SCARA5: variants seen among roughly 807,000 people sequenced by gnomAD.
The protein encoded by SCARA5 is scavenger receptor class A member 5, also known as scavenger receptor class A, member 5 (putative).
A neutral mutation model predicts 46.3 loss-of-function variants in SCARA5; 45 were observed. The ratio of observed to expected loss-of-function variants is 0.97; its 90% CI spans 0.76 to 1.24. The LOEUF is 1.24. Ranked by LOEUF, SCARA5 falls within the 50% of genes most tolerant of loss-of-function variation. SCARA5 has a pLI of 0.00. For missense variants in SCARA5, 680 were observed against 689.0 expected, an observed-to-expected ratio of 0.99 and a Z score of 0.15; for synonymous variants, 333 against 306.5, an observed-to-expected ratio of 1.09 and a Z score of -0.90.
chr8:27,885,575 G>C (rs1806882388), intron 7 of SCARA5, among the ~76,000 whole-genome samples: 1 of 152,216 alleles, frequency 6.6e-6, no homozygotes, highest in African/African-American at 2.4e-5. Context: ...GCAGGTGCTG[G>C]CTGGAGGGCA....
chr8:27,876,694 G>A (rs776178835), intron 8 of SCARA5, among the ~76,000 whole-genome samples: 21 of 152,186 alleles, frequency 1.4e-4, no homozygotes, highest in African/African-American at 4.8e-4. Flanking sequence ...GTGACAGAGG[G>A]AAGAGCTGGG....
At chr8:27,932,913 C>T (rs1259657587) in intron 3 of SCARA5, among the ~76,000 whole-genome samples, 1 of 152,196 alleles carries the variant, frequency 6.6e-6, no homozygotes, top group African/African-American at 2.4e-5. Context: ...TTACAGGCGT[C>T]AGCCACGGCG....
At chr8:27,946,649 A>G (rs1438800697) in intron 3 of SCARA5, among the ~76,000 whole-genome samples, 1 of 152,200 alleles carries the variant, frequency 6.6e-6, no homozygotes, top group Non-Finnish European at 1.5e-5. Flanking sequence ...AGCCAGGGCT[A>G]ATTTGGCTCT....
intron 8 of SCARA5, among the ~76,000 whole-genome samples, chr8:27,874,935 T>A (rs1806698518): frequency 6.6e-6 from 1 of 152,110 alleles, no homozygotes; most frequent in African/African-American, 2.4e-5. Context: ...TGGACCAATT[T>A]AAAATTTAGA....
chr8:27,936,914 T>C (rs1807866740), intron 3 of SCARA5, among the ~76,000 whole-genome samples: 1 of 152,162 alleles, frequency 6.6e-6, no homozygotes, highest in Non-Finnish European at 1.5e-5. Flanking sequence ...CTGTGACACC[T>C]TACTGCTGTT....
At chr8:27,893,085 C>T (rs114923258) in intron 7 of SCARA5, among the ~76,000 whole-genome samples, 3,095 of 152,234 alleles carry the variant, frequency 0.02, 119 homozygotes, top group African/African-American at 0.071. Context: ...GGCTTGGACA[C>T]CAGTGGCCAA....
intron 4 of SCARA5, among the ~76,000 whole-genome samples, chr8:27,914,715 G>C (rs1807433101): frequency 6.6e-6 from 1 of 152,192 alleles, no homozygotes; most frequent in African/African-American, 2.4e-5. Context: ...GGGCATGGAG[G>C]TGGCTGGGAC....
At chr8:27,985,571 T>C (rs1585529553) in intron 2 of SCARA5, among the ~76,000 whole-genome samples, 4 of 152,312 alleles carry the variant, frequency 2.6e-5, no homozygotes, top group Admixed American at 2.6e-4. Context: ...CACAGAATTC[T>C]AGAACCAGAT....
At chr8:27,989,826 G>A (rs780755767) in intron 1 of SCARA5, among the ~76,000 whole-genome samples, 10 of 152,232 alleles carry the variant, frequency 6.6e-5, no homozygotes, top group Non-Finnish European at 1.2e-4. Flanking sequence ...TCTAGGTGGG[G>A]CCGCGGGCAG....
chr8:27,937,285 G>A (rs919802489), intron 3 of SCARA5, among the ~76,000 whole-genome samples: 18 of 152,120 alleles, frequency 1.2e-4, no homozygotes, highest in Non-Finnish European at 1.5e-4. Context: ...CCCCTAGCAC[G>A]TGTGGGACTT....
chr8:27,874,436 G>A (rs1393307850), intron 8 of SCARA5, among the ~76,000 whole-genome samples: 1 of 152,190 alleles, frequency 6.6e-6, no homozygotes, highest in African/African-American at 2.4e-5. Context: ...CTCAGCCAGA[G>A]GACGGCAAAC....
intron 3 of SCARA5, among the ~76,000 whole-genome samples, chr8:27,941,721 T>C (rs967453230): frequency 6.6e-6 from 1 of 151,844 alleles, no homozygotes; most frequent in African/African-American, 2.4e-5. Context: ...TGTATAGAGC[T>C]TTACATTTCA....
chr8:27,880,576 TGGCTTA>T (rs2129673350), intron 7 of SCARA5, among the ~76,000 whole-genome samples: 1 of 152,250 alleles, frequency 6.6e-6, no homozygotes, highest in East Asian at 1.9e-4. Flanking sequence ...CTGGGCTTGG[TGGCTTA>T]TGCTTATAAT....
chr8:27,879,636 G>T lies in SCARA5; in HGVS notation c.1284C>A (p.Asp428Glu), dbSNP rs1585459576. ...CDDGWDKKDG[D>E]VVCRMLGFRG... Reference sequence around the variant, plus strand: ...GGAAGCCGAGCATGCGGCACACCACGTCTCCGTCCTTCTTGTCCCAGCCGT... The same window carrying T: ...GGAAGCCGAGCATGCGGCACACCACTTCTCCGTCCTTCTTGTCCCAGCCGT... Residue 428 changes from aspartate to glutamate, a missense_variant, in exon 8 of 9, where the codon GAC (aspartate) becomes GAA (glutamate). By Grantham distance (45) the Asp-to-Glu change is conservative. Around this residue, in one of 3 missense-constraint regions of SCARA5, gnomAD observed 219 missense variants for 269.5 expected, o/e 0.81. Transcript: ENST00000354914. The T allele has an allele frequency of 6.2e-7, 1 of 1,612,374 alleles. No homozygotes were observed.
At chr8:27,905,115 C>G (rs1455620259) in intron 6 of SCARA5, among the ~76,000 whole-genome samples, 6 of 151,880 alleles carry the variant, frequency 4.0e-5, no homozygotes, top group Admixed American at 3.3e-4. Flanking sequence ...CAAAGATAGT[C>G]CTATTAAACA....
chr8:27,892,752 C>A (rs949990637), intron 7 of SCARA5, among the ~76,000 whole-genome samples: 2 of 152,038 alleles, frequency 1.3e-5, no homozygotes, highest in Admixed American at 1.3e-4. Context: ...ACCACAGGCG[C>A]CCGCCACCAC....
intron 3 of SCARA5, among the ~76,000 whole-genome samples, chr8:27,959,859 G>A (rs1450124920): frequency 1.3e-5 from 2 of 152,194 alleles, no homozygotes; most frequent in African/African-American, 4.8e-5. Context: ...CGTGCCATGG[G>A]TGGAGCCATT....
At chr8:27,927,697 T>A (rs1197692343) in intron 3 of SCARA5, among the ~76,000 whole-genome samples, 1 of 152,208 alleles carries the variant, frequency 6.6e-6, no homozygotes, top group Non-Finnish European at 1.5e-5. Flanking sequence ...TTTGAAATTT[T>A]TCCTAATAAT....
intron 7 of SCARA5, among the ~76,000 whole-genome samples, chr8:27,897,474 C>T (rs1585471767): frequency 6.6e-6 from 1 of 152,270 alleles, no homozygotes; most frequent in African/African-American, 2.4e-5. Context: ...ATCCCAGCGT[C>T]ATTTCTTTCA....
Sources: gnomAD v4.1 joint callset for allele counts (sites outside exome capture counted in the v4.1 genomes callset) on GRCh38, gnomAD v4.1.1 for gene constraint, gnomAD v4.1.1 regional missense constraint, MANE v1.5 for transcripts, NCBI Gene and HGNC (gene_info 2026-07-23, HGNC 2026-07-21) for gene names.